ZNF697: variants seen among roughly 807,000 people sequenced by gnomAD.
ZNF697 encodes the protein zinc finger protein 697.
In ZNF697, 23 loss-of-function variants were observed where a neutral mutation model predicts 32.4. The observed-to-expected ratio is 0.71, with a 90% CI of 0.51 to 1.01. The LOEUF (loss-of-function observed/expected upper bound fraction) is 1.01, where lower values mean the gene tolerates loss of function less well. Ranked by LOEUF, ZNF697 falls within the 50% of genes least tolerant of loss-of-function variation. ZNF697 has a pLI of 0.00. For synonymous variants in ZNF697, 418 were observed against 337.2 expected (o/e 1.24, Z -2.62); for missense variants, 930 against 794.0 (o/e 1.17, Z -2.06).
At chr1:119,645,562 G>A (rs1192511293) in intron 1 of ZNF697, among the ~76,000 whole-genome samples, 1 of 152,196 alleles carries the variant, frequency 6.6e-6, no homozygotes, top group African/African-American at 2.4e-5. Flanking sequence ...AGTCACGGAG[G>A]TAGAAGAATG....
In ZNF697 at chr1:119,637,942, T is replaced by TGA. The variant is rs1196511530; in HGVS notation, c.-38+9747_-38+9748dup. ...GTCATCGTCTGTGTGTGTGTATGTG[T>TGA]GAGAGAGAGAGAGAGAAAGAGACAG... On this transcript the variant is annotated intron_variant, in intron 1 of 2. Coordinates refer to ENST00000421812, the MANE Select transcript of ZNF697 (RefSeq NM_001080470.2). Among the ~76,000 whole-genome samples, 10 of 149,838 alleles carry TGA rather than the reference T, an allele frequency of 6.7e-5. No homozygotes were observed. In the South Asian group the frequency reaches 8.5e-4, roughly 13 times the overall value.
chr1:119,624,194 T>TA (rs1648500640), intron 2 of ZNF697, 78 bp from the exon 3 acceptor site: 1 of 1,457,658 alleles, frequency 6.9e-7, no homozygotes, highest in Admixed American at 2.6e-5. Flanking sequence ...ACCTCAGTAA[T>TA]AAAACTGTGA....
At chr1:119,624,924 C>G (rs1284685427) in intron 2 of ZNF697, among the ~76,000 whole-genome samples, 3 of 136,310 alleles carry the variant, frequency 2.2e-5, no homozygotes, top group Non-Finnish European at 4.5e-5. Context: ...TTTGGTCAGT[C>G]TGAAACAGCT....
At chr1:119,631,752 C>A (rs1185181755) in intron 1 of ZNF697, among the ~76,000 whole-genome samples, 1 of 152,144 alleles carries the variant, frequency 6.6e-6, no homozygotes, top group African/African-American at 2.4e-5. Context: ...CCAGGAGCGG[C>A]TCCCACTCGG....
intron 1 of ZNF697, among the ~76,000 whole-genome samples, chr1:119,641,889 C>G (rs1037644218): frequency 6.6e-6 from 1 of 152,202 alleles, no homozygotes; most frequent in South Asian, 2.1e-4. Flanking sequence ...TCAATTAAAC[C>G]TCTTTTCCTT....
chr1:119,647,851 G>C lies in ZNF697; in HGVS notation c.-198C>G, dbSNP rs1649256735. The C allele has an allele frequency of 6.5e-6, 1 of 152,790 alleles. No homozygotes were observed. Among genetic ancestry groups the C allele is most frequent in the Non-Finnish European group, 1.5e-5 (1 of 68,492 alleles). The allele number at this position is 152,790 out of a possible 1,614,324, so 9.5% of individuals were successfully genotyped here. On this transcript the variant is annotated 5_prime_UTR_variant, in exon 1 of 3. Transcript: ENST00000421812. ...CCCGCCCCTCGCCACATACCCCTGA[G>C]GGAGCTCAGTCCTGGCTTTGGGGGC...
At chr1:119,642,035 G>A (rs1405402913) in intron 1 of ZNF697, among the ~76,000 whole-genome samples, 5 of 152,032 alleles carry the variant, frequency 3.3e-5, no homozygotes, top group South Asian at 2.1e-4. Flanking sequence ...TCCAAAACAC[G>A]ACAACATCAA....
At position 119,623,403 on chromosome 1, in the gene ZNF697, C is replaced by CGAA; in HGVS notation, c.939_940insTTC (p.Gly313_Glu314insPhe). The stretch of plus-strand genomic sequence containing the variant: ...CACTCGGGGCACGGGTAGGGCTTCT[C>CGAA]GCCCGTGTGCAGGCGCCGGTGCTTG... On this transcript the variant is annotated inframe_insertion, in exon 3 of 3. Transcript: ENST00000421812. 1 of 1,518,560 alleles carries CGAA rather than the reference C, an allele frequency of 6.6e-7. No individual in the cohort carries two copies. Among genetic ancestry groups the CGAA allele is most frequent in the Non-Finnish European group, 8.8e-7 (1 of 1,134,622 alleles). The allele number at this position is 1,518,560 out of a possible 1,614,324, so 94.1% of individuals were successfully genotyped here. A position where few individuals can be genotyped will look rare whatever the true frequency, so the allele number is the denominator to read the frequency against.
chr1:119,630,834 C>G (rs751338517), intron 1 of ZNF697, among the ~76,000 whole-genome samples: 2 of 151,904 alleles, frequency 1.3e-5, no homozygotes, highest in Non-Finnish European at 2.9e-5. Flanking sequence ...CCTTCCCCCG[C>G]ACTCCAGCCT....
chr1:119,632,641 T>C (rs1448630047), intron 1 of ZNF697, among the ~76,000 whole-genome samples: 1 of 152,228 alleles, frequency 6.6e-6, no homozygotes, highest in East Asian at 1.9e-4. Context: ...TCGGTTGGGC[T>C]AGGGCCCCTC....
chr1:119,640,811 G>A (rs372869812), intron 1 of ZNF697, among the ~76,000 whole-genome samples: 4 of 152,224 alleles, frequency 2.6e-5, no homozygotes, highest in Non-Finnish European at 5.9e-5. Context: ...GGCAGGGCAG[G>A]GAGTGCATTC....
At chr1:119,646,719 A>G (rs962843758) in intron 1 of ZNF697, among the ~76,000 whole-genome samples, 5 of 152,188 alleles carry the variant, frequency 3.3e-5, no homozygotes, top group Non-Finnish European at 1.5e-5. Context: ...TGAGAGAAGA[A>G]GGTAAACAGT....
intron 2 of ZNF697, among the ~76,000 whole-genome samples, chr1:119,624,921 A>G (rs1336708339): frequency 6.9e-6 from 1 of 145,630 alleles, no homozygotes; most frequent in Non-Finnish European, 1.5e-5. Flanking sequence ...ACATTTGGTC[A>G]GTCTGAAACA....
rs189117871 is a variant in ZNF697, at chr1:119,634,775, C to A, written c.-37-8638G>T. On this transcript the variant is annotated intron_variant, in intron 1 of 2. Coordinates refer to ENST00000421812, the MANE Select transcript of ZNF697 (RefSeq NM_001080470.2). ...ATATCAACCAACCCCAATATACTGA[C>A]CTTATTTGAATGCCAACTCAAACTT... 3.4e-3 allele frequency among the ~76,000 whole-genome samples: 524 copies of A among 152,216 alleles called. 3 individuals carry two copies. The highest frequency in any genetic ancestry group is 0.011 in the African/African-American group (473 of 41,514).
chr1:119,641,916 G>C (rs188954624), intron 1 of ZNF697, among the ~76,000 whole-genome samples: 289 of 152,214 alleles, frequency 1.9e-3, no homozygotes, highest in African/African-American at 6.5e-3. Flanking sequence ...TACCTGTTTT[G>C]GGTATTTCTT....
At position 119,623,310 on chromosome 1, in the gene ZNF697, C is replaced by T. The variant is rs1648423849; in HGVS notation, c.1033G>A (p.Ala345Thr). 1 of 1,296,296 alleles carries T rather than the reference C, an allele frequency of 7.7e-7. No homozygotes were observed. 80.3% of individuals were successfully genotyped at this position (1,296,296 alleles called of 1,614,324 possible). A position where few individuals can be genotyped will look rare whatever the true frequency, so the allele number is the denominator to read the frequency against. The change falls in exon 3 of 3, where the codon GCG (alanine) becomes ACG (threonine). Residue 345 changes from alanine (A) to threonine (T), a missense_variant. By Grantham distance (58) the Ala-to-Thr change is moderately conservative (BLOSUM62 0). Coordinates refer to ENST00000421812, the MANE Select transcript of ZNF697 (RefSeq NM_001080470.2). ...HRRAHAAASG[A>T]GAAALRPFAC... Reference sequence around the variant, plus strand: ...AAGGGCCGCAGCGCCGCCGCCCCCGCGCCGCTGGCCGCCGCGTGCGCGCGC... The same window carrying T: ...AAGGGCCGCAGCGCCGCCGCCCCCGTGCCGCTGGCCGCCGCGTGCGCGCGC...
Position 119,626,105 on chromosome 1 carries a change from G to A in ZNF697, c.-5C>T. On this transcript the variant is annotated 5_prime_UTR_variant, in exon 2 of 3. Coordinates refer to ENST00000421812, the MANE Select transcript of ZNF697 (RefSeq NM_001080470.2). ...CTGATTATCTTCTTGTTTCATCCAGGAAGAAAAGAGCAAGGGAGGTGACCA... is the reference window on the plus strand; with the variant it reads ...CTGATTATCTTCTTGTTTCATCCAGAAAGAAAAGAGCAAGGGAGGTGACCA... 4 of 1,613,770 alleles carry A rather than the reference G, an allele frequency of 2.5e-6. No individual in the cohort carries two copies. Among genetic ancestry groups the A allele is most frequent in the South Asian group, 2.2e-5 (2 of 91,060 alleles).
rs753347998 is a variant in ZNF697, at chr1:119,623,088, TGAA to T, written c.1252_1254del (p.Phe418del). ...TGCGTGAAGAGGTGCGAGCTGACGCTGAAGGTCTCGCCGCACTCGGAGCACATG... is the reference window on the plus strand; with the variant it reads ...TGCGTGAAGAGGTGCGAGCTGACGCTGGTCTCGCCGCACTCGGAGCACATG... On this transcript the variant is annotated inframe_deletion, in exon 3 of 3. Transcript: ENST00000421812. 13 of 1,587,416 alleles carry T rather than the reference TGAA, an allele frequency of 8.2e-6. No homozygotes were observed. Among genetic ancestry groups the T allele is most frequent in the Non-Finnish European group, 1.0e-5 (12 of 1,167,236 alleles).
chr1:119,624,182 AAACC>A, intron 2 of ZNF697, 66 bp from the exon 3 acceptor site: 1 of 1,481,602 alleles, frequency 6.7e-7, no homozygotes, highest in East Asian at 2.4e-5. Flanking sequence ...AGCCCAGAGG[AAACC>A]TCAGTAATAA....
Sources: gnomAD v4.1 joint callset for allele counts (sites outside exome capture counted in the v4.1 genomes callset) on GRCh38, gnomAD v4.1.1 for gene constraint, MANE v1.5 for transcripts, NCBI Gene and HGNC (gene_info 2026-07-23, HGNC 2026-07-21) for gene names.